The following VEPH1 variants were observed in gnomAD, a reference collection of about 807,000 sequenced individuals.
The protein encoded by VEPH1 is ventricular zone-expressed PH domain-containing protein homolog 1.
In VEPH1, 80 loss-of-function variants were observed where a neutral mutation model predicts 85.2. The ratio of observed to expected loss-of-function variants is 0.94; its 90% CI spans 0.78 to 1.13. The LOEUF is 1.13. VEPH1 is among the 50% of genes most tolerant of loss of function. The pLI is 0.00. For synonymous variants in VEPH1, 297 were observed against 348.0 expected (o/e 0.85, Z 1.63); for missense variants, 955 against 980.5 (o/e 0.97, Z 0.35).
At chr3:157,440,914 T>G (rs1734068728) in intron 4 of VEPH1, among the ~76,000 whole-genome samples, 1 of 152,204 alleles carries the variant, frequency 6.6e-6, no homozygotes, top group Non-Finnish European at 1.5e-5. Context: ...TGTACTTCTC[T>G]TAAAGATTTT....
At chr3:157,355,361 C>T (rs748698105) in intron 9 of VEPH1, among the ~76,000 whole-genome samples, 3 of 152,232 alleles carry the variant, frequency 2.0e-5, no homozygotes, top group Non-Finnish European at 2.9e-5. Context: ...ATGAGCATGG[C>T]AATCTCTGCT....
At chr3:157,422,384 A>C (rs1732410490) in intron 5 of VEPH1, among the ~76,000 whole-genome samples, 1 of 152,214 alleles carries the variant, frequency 6.6e-6, no homozygotes, top group African/African-American at 2.4e-5. Flanking sequence ...TTATAAAACA[A>C]AAAGCTTGTT....
At chr3:157,364,551 A>C in intron 7 of VEPH1, 39 bp from the exon 8 acceptor site, 7 of 1,572,286 alleles carry the variant, frequency 4.5e-6, no homozygotes, top group Non-Finnish European at 6.1e-6. Flanking sequence ...TGCAGGTCAT[A>C]TATACTCTTC....
intron 6 of VEPH1, chr3:157,409,930 A>C: frequency 2.0e-6 from 2 of 985,328 alleles, no homozygotes; most frequent in Non-Finnish European, 2.4e-6. Flanking sequence ...AAAACAAAGG[A>C]GGTATGCTCT....
intron 7 of VEPH1, among the ~76,000 whole-genome samples, chr3:157,375,263 T>C (rs140132359): frequency 8.5e-5 from 13 of 152,338 alleles, no homozygotes; most frequent in Non-Finnish European, 1.6e-4. Context: ...AGAGAAGAAC[T>C]TGGCCCCCTG....
At chr3:157,488,724 C>T (rs1284204332) in intron 2 of VEPH1, among the ~76,000 whole-genome samples, 2 of 151,982 alleles carry the variant, frequency 1.3e-5, no homozygotes, top group South Asian at 2.1e-4. Flanking sequence ...ACATACAATA[C>T]TTGCACATCT....
intron 6 of VEPH1, among the ~76,000 whole-genome samples, chr3:157,390,021 A>C (rs373935649): frequency 6.6e-6 from 1 of 152,168 alleles, no homozygotes; most frequent in African/African-American, 2.4e-5. Context: ...TTCCATCCAC[A>C]TATTAATTCT....
chr3:157,487,695 A>G (rs1738778837), intron 2 of VEPH1, among the ~76,000 whole-genome samples: 1 of 152,194 alleles, frequency 6.6e-6, no homozygotes, highest in Admixed American at 6.6e-5. Context: ...AAATTTTAAA[A>G]TGCATTAAAA....
intron 9 of VEPH1, among the ~76,000 whole-genome samples, chr3:157,351,888 A>ATCCAC (rs1325100744): frequency 1.3e-5 from 2 of 152,210 alleles, no homozygotes; most frequent in Non-Finnish European, 2.9e-5. Context: ...CCTGGGCTGT[A>ATCCAC]TCCACTAGAA....
Position 157,261,348 on chromosome 3 carries a change from G to C in VEPH1, c.2288C>G (p.Pro763Arg), listed in dbSNP as rs768221097. Residue 763 changes from proline to arginine, a missense_variant, in exon 14 of 14, where the codon CCA (proline) becomes CGA (arginine). By Grantham distance (103) the Pro-to-Arg change is moderately radical. Coordinates refer to ENST00000362010, the MANE Select transcript of VEPH1 (RefSeq NM_001167912.2). ...ACTCTGTACTTTGCTGAGTTCTATT[G>C]GGCAGTCGTCAGGGTCATCTTTCTG... ...GKSKDDPDDC[P>R]IELSKVQSVK... 12 of 1,613,516 alleles carry C rather than the reference G, an allele frequency of 7.4e-6. No homozygotes were observed. The highest frequency in any genetic ancestry group is 9.3e-6 in the Non-Finnish European group (11 of 1,179,662).
intron 7 of VEPH1, among the ~76,000 whole-genome samples, chr3:157,376,508 A>G (rs2108839220): frequency 6.6e-6 from 1 of 152,340 alleles, no homozygotes; most frequent in South Asian, 2.1e-4. Context: ...CTCCTTTGCA[A>G]TGCATAATAG....
intron 5 of VEPH1, among the ~76,000 whole-genome samples, chr3:157,424,431 A>G (rs1327969331): frequency 1.3e-5 from 2 of 152,170 alleles, no homozygotes; most frequent in Admixed American, 1.3e-4. Flanking sequence ...TGTGGACGTG[A>G]CTTTGGAACT....
chr3:157,310,693 C>T (rs549974769), intron 11 of VEPH1, among the ~76,000 whole-genome samples: 1 of 152,212 alleles, frequency 6.6e-6, no homozygotes, highest in Non-Finnish European at 1.5e-5. Context: ...GAATTCCAGG[C>T]TGTTTTCATC....
At chr3:157,329,759 A>G (rs1337792802) in intron 9 of VEPH1, among the ~76,000 whole-genome samples, 1 of 152,206 alleles carries the variant, frequency 6.6e-6, no homozygotes, top group Non-Finnish European at 1.5e-5. Context: ...AATTGGAAAC[A>G]GCTGGTTATA....
intron 6 of VEPH1, among the ~76,000 whole-genome samples, chr3:157,412,441 C>T (rs922165525): frequency 2.6e-5 from 4 of 152,114 alleles, no homozygotes; most frequent in African/African-American, 9.7e-5. Context: ...CATTAAATTG[C>T]AGAAAGAGTT....
intron 8 of VEPH1, 66 bp from the exon 9 acceptor site, chr3:157,363,827 A>G: frequency 6.5e-7 from 1 of 1,543,714 alleles, no homozygotes; most frequent in Non-Finnish European, 8.7e-7. Flanking sequence ...GAAAAGAAAT[A>G]ATAATAATAT....
At chr3:157,393,318 T>C (rs1321492968) in intron 6 of VEPH1, among the ~76,000 whole-genome samples, 1 of 152,232 alleles carries the variant, frequency 6.6e-6, no homozygotes, top group Non-Finnish European at 1.5e-5. Flanking sequence ...GAATCAGCTT[T>C]AGTTGCAAAT....
chr3:157,502,899 A>G (rs1257453730), intron 1 of VEPH1, among the ~76,000 whole-genome samples: 1 of 152,248 alleles, frequency 6.6e-6, no homozygotes, highest in Non-Finnish European at 1.5e-5. Flanking sequence ...AGGCAGAGCC[A>G]GTTTCTTTGC....
At chr3:157,407,319 C>A (rs1291058456) in intron 6 of VEPH1, among the ~76,000 whole-genome samples, 4 of 152,088 alleles carry the variant, frequency 2.6e-5, no homozygotes, top group African/African-American at 4.8e-5. Context: ...AGGTGGGGAC[C>A]ACCTACCCTT....
Sources: gnomAD v4.1 joint callset for allele counts (sites outside exome capture counted in the v4.1 genomes callset) on GRCh38, gnomAD v4.1.1 for gene constraint, MANE v1.5 for transcripts, NCBI Gene and HGNC (gene_info 2026-07-23, HGNC 2026-07-21) for gene names.